The following GPR158 variants were observed in gnomAD, a reference collection of about 807,000 sequenced individuals.
The protein encoded by GPR158 is metabotropic glycine receptor.
In GPR158, 30 loss-of-function variants were observed where a neutral mutation model predicts 78.2. The observed-to-expected ratio is 0.38, with a 90% confidence interval of 0.29 to 0.52. The LOEUF is 0.52. Among genes scored for constraint, GPR158 ranks in the 20% least tolerant of loss-of-function variants. The pLI is 0.83. For synonymous variants in GPR158, 581 were observed against 591.1 expected (o/e 0.98, Z 0.25); for missense variants, 1,463 against 1,523.5 (o/e 0.96, Z 0.66).
chr10:25,525,855 C>G (rs1836339701), intron 5 of GPR158, among the ~76,000 whole-genome samples: 1 of 151,902 alleles, frequency 6.6e-6, no homozygotes, highest in African/African-American at 2.4e-5. Context: ...TTCTGTAATC[C>G]CAGCACTTTG....
chr10:25,284,056 C>A (rs1462820039), intron 2 of GPR158, among the ~76,000 whole-genome samples: 3 of 151,964 alleles, frequency 2.0e-5, no homozygotes, highest in Non-Finnish European at 4.4e-5. Flanking sequence ...GGTTAGTATT[C>A]CATGAATACT....
chr10:25,484,134 C>T (rs575640232), intron 5 of GPR158, among the ~76,000 whole-genome samples: 1 of 152,084 alleles, frequency 6.6e-6, no homozygotes, highest in Non-Finnish European at 1.5e-5. Context: ...AAAGCCCTAC[C>T]CCACTGTTAT....
intron 6 of GPR158, among the ~76,000 whole-genome samples, chr10:25,565,827 G>T (rs1836922347): frequency 6.6e-6 from 1 of 152,132 alleles, no homozygotes; most frequent in African/African-American, 2.4e-5. Context: ...AGAGACAGGG[G>T]ACCGAGGGCA....
intron 5 of GPR158, among the ~76,000 whole-genome samples, chr10:25,504,232 G>A (rs1402907388): frequency 6.6e-6 from 1 of 152,098 alleles, no homozygotes; most frequent in East Asian, 1.9e-4. Flanking sequence ...ATTCTCCTTT[G>A]CCTAGCATAG....
At chr10:25,464,030 A>T (rs1404780757) in intron 4 of GPR158, among the ~76,000 whole-genome samples, 1 of 152,102 alleles carries the variant, frequency 6.6e-6, no homozygotes, top group Non-Finnish European at 1.5e-5. Flanking sequence ...AAAGAAAAAA[A>T]GTGCGCATTT....
intron 3 of GPR158, among the ~76,000 whole-genome samples, chr10:25,396,521 G>A (rs941479337): frequency 1.3e-5 from 2 of 152,106 alleles, no homozygotes; most frequent in African/African-American, 4.8e-5. Flanking sequence ...GATGTTGGCT[G>A]GGTATAGTGG....
intron 4 of GPR158, among the ~76,000 whole-genome samples, chr10:25,435,323 A>G (rs182737940): frequency 2.0e-5 from 3 of 152,274 alleles, no homozygotes; most frequent in Admixed American, 6.5e-5. Flanking sequence ...ATAAGGTTGG[A>G]GAGATAATGG....
Position 25,598,247 on chromosome 10 carries a change from C to A in GPR158, c.2621C>A (p.Pro874Gln), listed in dbSNP as rs1353825573. ...DSEAESTESV[P>Q]LVCKSASAHN... ...GAGGCTGAGTCCACGGAGTCGGTGC[C>A]GTTGGTGTGCAAGTCAGCAAGCGCT... Residue 874 changes from proline to glutamine, a missense_variant, in exon 11 of 11, where the codon CCG becomes CAG. Transcript: ENST00000376351. 7.4e-6 allele frequency: 12 copies of A among 1,613,866 alleles called. No individual in the cohort carries two copies. Among genetic ancestry groups the A allele is most frequent in the Non-Finnish European group, 1.0e-5 (12 of 1,179,992 alleles).
intron 2 of GPR158, among the ~76,000 whole-genome samples, chr10:25,284,142 G>T (rs911792631): frequency 3.9e-5 from 6 of 152,036 alleles, no homozygotes; most frequent in African/African-American, 1.4e-4. Context: ...GGTTGATAGT[G>T]TTGTTCAGGG....
chr10:25,225,642 A>C (rs1853362853), intron 2 of GPR158, among the ~76,000 whole-genome samples: 1 of 152,104 alleles, frequency 6.6e-6, no homozygotes, highest in African/African-American at 2.4e-5. Flanking sequence ...ATGCCAATTA[A>C]AGTCGTGTTT....
At chr10:25,330,466 T>C (rs1855102715) in intron 2 of GPR158, among the ~76,000 whole-genome samples, 1 of 152,164 alleles carries the variant, frequency 6.6e-6, no homozygotes, top group Non-Finnish European at 1.5e-5. Flanking sequence ...TTAAGTAGTG[T>C]TATAATAGAC....
At chr10:25,532,025 C>T (rs1836430178) in intron 5 of GPR158, among the ~76,000 whole-genome samples, 1 of 152,120 alleles carries the variant, frequency 6.6e-6, no homozygotes, top group Non-Finnish European at 1.5e-5. Flanking sequence ...CAGAGGGAGA[C>T]ATAGGACTAT....
chr10:25,576,430 T>G (rs753135091), intron 7 of GPR158, among the ~76,000 whole-genome samples: 3 of 152,204 alleles, frequency 2.0e-5, no homozygotes, highest in Non-Finnish European at 2.9e-5. Context: ...TCCTAAATTC[T>G]GCTCTCCTCC....
rs116037724 is a variant in GPR158 at position 25,236,984 on chromosome 10, A to G, written c.1008+15827A>G. Among the ~76,000 whole-genome samples the G allele has an allele frequency of 6.9e-3, 1,048 of 152,334 alleles. 9 individuals carry two copies. Among genetic ancestry groups the G allele is most frequent in the African/African-American group, 0.024 (1,003 of 41,572 alleles). On this transcript the variant is annotated intron_variant, in intron 2 of 10. Coordinates refer to ENST00000376351, the MANE Select transcript of GPR158 (RefSeq NM_020752.3). Reference sequence around the variant, plus strand: ...AAAATATGTATTATTCTAATTTTACAGCTGAGGAAACTGAGACTCAGAAAT... The same window carrying G: ...AAAATATGTATTATTCTAATTTTACGGCTGAGGAAACTGAGACTCAGAAAT...
intron 4 of GPR158, among the ~76,000 whole-genome samples, chr10:25,462,689 A>C (rs1835371783): frequency 6.6e-6 from 1 of 152,226 alleles, no homozygotes. Flanking sequence ...TCAAGACTTC[A>C]GTGAAGAAAC....
At chr10:25,179,729 C>T (rs1852590691) in intron 1 of GPR158, among the ~76,000 whole-genome samples, 1 of 152,076 alleles carries the variant, frequency 6.6e-6, no homozygotes, top group Non-Finnish European at 1.5e-5. Flanking sequence ...GCACTCATTT[C>T]TCTTAACTAA....
chr10:25,245,834 C>T (rs1853682447), intron 2 of GPR158, among the ~76,000 whole-genome samples: 1 of 152,112 alleles, frequency 6.6e-6, no homozygotes, highest in Non-Finnish European at 1.5e-5. Flanking sequence ...CTTGAAAACA[C>T]TGAGGAACTA....
Position 25,249,479 on chromosome 10 carries a change from A to G in GPR158, c.1008+28322A>G, listed in dbSNP as rs866877997. On this transcript the variant is annotated intron_variant, in intron 2 of 10. Transcript: ENST00000376351. ...TAGATAGCTCTTATTATTTTGAAAT[A>G]CGTCCCATCAATACCTAATTTATTG... 2.4e-4 allele frequency among the ~76,000 whole-genome samples: 37 copies of G among 152,044 alleles called. No homozygotes were observed. In the South Asian group the frequency reaches 7.5e-3, roughly 31 times the overall value.
At chr10:25,497,856 A>G (rs1835903907) in intron 5 of GPR158, among the ~76,000 whole-genome samples, 1 of 152,192 alleles carries the variant, frequency 6.6e-6, no homozygotes, top group Non-Finnish European at 1.5e-5. Context: ...AGACCTTTTT[A>G]TTTCCTCTTA....
Sources: allele counts gnomAD v4.1 joint callset (sites outside exome capture counted in the v4.1 genomes callset), GRCh38; gene constraint gnomAD v4.1.1; transcripts MANE v1.5; gene names NCBI Gene and HGNC (gene_info 2026-07-23, HGNC 2026-07-21).